Variants in SIM2 observed in about 807,000 individuals in gnomAD.
SIM2 encodes the protein single-minded homolog 2.
In SIM2, 28 loss-of-function variants were observed where a neutral mutation model predicts 64.8. The ratio of observed to expected loss-of-function variants is 0.43; its 90% CI spans 0.32 to 0.59. The LOEUF (loss-of-function observed/expected upper bound fraction) is 0.59, where lower values mean the gene tolerates loss of function less well. Among genes scored for constraint, SIM2 ranks in the 20% least tolerant of loss-of-function variants. The pLI is 0.07. For synonymous variants in SIM2, 408 were observed against 391.1 expected, an observed-to-expected ratio of 1.04 and a Z score of -0.51; for missense variants, 847 against 871.4, an observed-to-expected ratio of 0.97 and a Z score of 0.35.
intron 7 of SIM2, among the ~76,000 whole-genome samples, chr21:36,740,608 A>C (rs1396513980): frequency 6.6e-6 from 1 of 152,218 alleles, no homozygotes; most frequent in Non-Finnish European, 1.5e-5. Context: ...AGGAACCGTA[A>C]AGGGCCACAG....
intron 8 of SIM2, among the ~76,000 whole-genome samples, chr21:36,742,210 C>T (rs1404689547): frequency 1.3e-5 from 2 of 151,928 alleles, no homozygotes; most frequent in South Asian, 2.1e-4. Context: ...AGGGTGCACA[C>T]CCCCCATCAA....
At position 36,748,132 on chromosome 21, in the gene SIM2, C is replaced by G; in HGVS notation, c.*40C>G. ...GCGCCAGGAGCCTGGACCCGGCCTC[C>G]CGGGGCTGCGGCGCCACCGAGCCCG... On this transcript the variant is annotated 3_prime_UTR_variant, in exon 11 of 11. Transcript: ENST00000290399. 1 of 1,134,942 alleles carries G rather than the reference C, an allele frequency of 8.8e-7. No homozygotes were observed. Among genetic ancestry groups the G allele is most frequent in the Non-Finnish European group, 1.1e-6 (1 of 917,130 alleles). 70.3% of individuals were successfully genotyped at this position (1,134,942 alleles called of 1,614,324 possible).
At chr21:36,703,311 C>T (rs559996148) in intron 1 of SIM2, among the ~76,000 whole-genome samples, 1 of 152,258 alleles carries the variant, frequency 6.6e-6, no homozygotes, top group Admixed American at 6.5e-5. Context: ...AGGTTTGAGG[C>T]CCCATTGTCA....
At chr21:36,719,357 G>A (rs755236801) in intron 3 of SIM2, among the ~76,000 whole-genome samples, 37 of 152,384 alleles carry the variant, frequency 2.4e-4, no homozygotes, top group Admixed American at 7.2e-4. Context: ...GGTCGGCCTC[G>A]GAGTGGACAA....
chr21:36,724,815 T>A (rs2850097), intron 5 of SIM2, among the ~76,000 whole-genome samples: 61,102 of 151,976 alleles, frequency 0.4, 12,972 homozygotes, highest in African/African-American at 0.55. Context: ...CATGATGATA[T>A]TGACCCTGTC....
chr21:36,736,755 C>T (rs1439785309), intron 7 of SIM2, among the ~76,000 whole-genome samples: 9,385 of 130,820 alleles, frequency 0.072, 826 homozygotes, highest in African/African-American at 0.22. Flanking sequence ...TTCCTTTCCT[C>T]CCTCCCTCCC....
chr21:36,716,162 G>A (rs1005734407), intron 3 of SIM2, among the ~76,000 whole-genome samples: 4 of 152,160 alleles, frequency 2.6e-5, no homozygotes, highest in Non-Finnish European at 5.9e-5. Flanking sequence ...TTTTCCATGC[G>A]TGTTTACTAA....
At chr21:36,705,027 G>A (rs943317402) in intron 1 of SIM2, among the ~76,000 whole-genome samples, 2 of 152,222 alleles carry the variant, frequency 1.3e-5, no homozygotes, top group African/African-American at 4.8e-5. Context: ...CAAGCTATAG[G>A]CTGTCCTAGA....
Position 36,745,237 on chromosome 21 carries a change from C to T in SIM2, c.1576+101C>T. ...GGCAGATGGAGACAGAACCCTCACG[C>T]TTTGGGCAAACTTGCCCTCTTTCTG... On this transcript the variant is annotated intron_variant, in intron 10 of 10. Coordinates refer to ENST00000290399, the MANE Select transcript of SIM2 (RefSeq NM_005069.6). The surrounding 1 kb of genome is among the most constrained non-coding windows in gnomAD (Gnocchi z 4.8). 2 of 1,481,012 alleles carry T rather than the reference C, an allele frequency of 1.4e-6. No individual in the cohort carries two copies. The highest frequency in any genetic ancestry group is 1.8e-6 in the Non-Finnish European group (2 of 1,112,990). 91.7% of individuals were successfully genotyped at this position (1,481,012 alleles called of 1,614,324 possible). A position where few individuals can be genotyped will look rare whatever the true frequency, so the allele number is the denominator to read the frequency against.
At position 36,745,924 on chromosome 21, in the gene SIM2, T is replaced by C. The variant is rs2089222779; in HGVS notation, c.1576+788T>C. On this transcript the variant is annotated intron_variant, in intron 10 of 10. Coordinates refer to ENST00000290399, the MANE Select transcript of SIM2 (RefSeq NM_005069.6). The surrounding 1 kb of genome is among the most constrained non-coding windows in gnomAD (Gnocchi z 4.8). The stretch of plus-strand genomic sequence containing the variant: ...AGAGGTTTAGCTGCAGGACATGTAT[T>C]CCCATTGCACCGAGACCTAACTGCC... The C allele has an allele frequency of 7.9e-7, 1 of 1,273,090 alleles. No homozygotes were observed. The allele number at this position is 1,273,090 out of a possible 1,614,324, so 78.9% of individuals were successfully genotyped here.
At chr21:36,727,225 C>A (rs897838645) in intron 6 of SIM2, among the ~76,000 whole-genome samples, 1 of 151,716 alleles carries the variant, frequency 6.6e-6, no homozygotes. Context: ...AGTAGAGATG[C>A]GGTTTCACTA....
intron 3 of SIM2, among the ~76,000 whole-genome samples, chr21:36,713,970 C>G (rs899311479): frequency 6.6e-6 from 1 of 152,232 alleles, no homozygotes; most frequent in Non-Finnish European, 1.5e-5. Context: ...CTATGTGACT[C>G]GTGGGATTAG....
chr21:36,726,365 C>A lies in SIM2; in HGVS notation c.743+47C>A. On this transcript the variant is annotated intron_variant, in intron 6 of 10. Coordinates refer to ENST00000290399, the MANE Select transcript of SIM2 (RefSeq NM_005069.6). This position sits in a 1 kb window ranked among gnomAD's most constrained non-coding sequence, Gnocchi z 4.5. The stretch of plus-strand genomic sequence containing the variant: ...GTGGCTGTGGCCTTCTGGAAGACAC[C>A]GGTGGTGGAAATGGGTCCCTGAAAG... 2 of 1,545,908 alleles carry A rather than the reference C, an allele frequency of 1.3e-6. No homozygotes were observed. The highest frequency in any genetic ancestry group is 2.3e-5 in the East Asian group (1 of 43,376).
At chr21:36,744,345 A>G in intron 9 of SIM2, among the ~76,000 whole-genome samples, 1 of 139,584 alleles carries the variant, frequency 7.2e-6, no homozygotes, top group Non-Finnish European at 1.6e-5. Context: ...AGGAAAAGAA[A>G]GGAAGGGAGG....
chr21:36,739,114 G>A (rs1464850299), intron 7 of SIM2, among the ~76,000 whole-genome samples: 1 of 152,242 alleles, frequency 6.6e-6, no homozygotes, highest in African/African-American at 2.4e-5. Flanking sequence ...GTCAAGGAAA[G>A]CTGAAAAGAA....
Position 36,747,653 on chromosome 21 carries a change from C to CT in SIM2, c.1577-11dup, listed in dbSNP as rs2089247377. 8.1e-7 allele frequency: 1 copy of CT among 1,241,378 alleles called. No individual in the cohort carries two copies. The highest frequency in any genetic ancestry group is 4.1e-5 in the Admixed American group (1 of 24,150). The allele number at this position is 1,241,378 out of a possible 1,614,324, so 76.9% of individuals were successfully genotyped here. ...CCCTTGCTGCCCTCTAACGTGTCGC[C>CT]TGTCCCCGCAGCGCCCGCCGCCGCC... On this transcript the variant is annotated splice_polypyrimidine_tract_variant and intron_variant, in intron 10 of 10. Coordinates refer to ENST00000290399, the MANE Select transcript of SIM2 (RefSeq NM_005069.6). The surrounding 1 kb of genome is among the most constrained non-coding windows in gnomAD (Gnocchi z 4.5).
Position 36,701,601 on chromosome 21 carries a change from C to A in SIM2, c.175+1680C>A, listed in dbSNP as rs183430139. On this transcript the variant is annotated intron_variant, in intron 1 of 10. Transcript: ENST00000290399. ...CCTCTCGGGCGCAGCGGTCCTTCAG[C>A]CCAGGGCAGGTTCCTCCCTTTCCTA... is the stretch of plus-strand genomic sequence containing the variant. 1.0e-3 allele frequency: 153 copies of A among 152,610 alleles called. 1 individual carries two copies. Among genetic ancestry groups the A allele is most frequent in the Non-Finnish European group, 2.1e-3 (143 of 68,240 alleles). The allele number at this position is 152,610 out of a possible 1,614,324, so 9.5% of individuals were successfully genotyped here.
intron 1 of SIM2, among the ~76,000 whole-genome samples, chr21:36,703,876 C>T (rs1218120685): frequency 2.0e-5 from 3 of 152,256 alleles, no homozygotes; most frequent in South Asian, 2.1e-4. Context: ...GGACGCAGGT[C>T]GGCCTCTGCC....
At chr21:36,707,180 A>G (rs1336977811) in intron 1 of SIM2, among the ~76,000 whole-genome samples, 1 of 152,266 alleles carries the variant, frequency 6.6e-6, no homozygotes, top group Admixed American at 6.5e-5. Flanking sequence ...AGAGAAAAGG[A>G]CAGCTGCCAG....
Sources: gnomAD v4.1 joint callset for allele counts (sites outside exome capture counted in the v4.1 genomes callset) on GRCh38, gnomAD v4.1.1 for gene constraint, Gnocchi (gnomAD v3.1) non-coding constraint, MANE v1.5 for transcripts, NCBI Gene and HGNC (gene_info 2026-07-23, HGNC 2026-07-21) for gene names.